KCNH7: variants seen among roughly 807,000 people sequenced by gnomAD.
KCNH7 encodes voltage-gated inwardly rectifying potassium channel KCNH7.
A neutral mutation model predicts 120.8 loss-of-function variants in KCNH7; 49 were observed. The ratio of observed to expected loss-of-function variants is 0.41; its 90% CI spans 0.32 to 0.51. The LOEUF is 0.51. Ranked by LOEUF, KCNH7 falls within the 20% of genes least tolerant of loss-of-function variation. The pLI, the probability that KCNH7 is intolerant of heterozygous loss-of-function variation, is 0.38. For synonymous variants in KCNH7, 547 were observed against 516.1 expected, an observed-to-expected ratio of 1.06 and a Z score of -0.81; for missense variants, 1,097 against 1,446.6, an observed-to-expected ratio of 0.76 and a Z score of 3.92.
chr2:162,583,029 A>G (rs1054017960), intron 2 of KCNH7, among the ~76,000 whole-genome samples: 6 of 152,086 alleles, frequency 3.9e-5, no homozygotes, highest in Admixed American at 3.9e-4. Flanking sequence ...TACTTTTAGC[A>G]TAAACAATGG....
chr2:162,436,699 C>A (rs1688250099), intron 7 of KCNH7, among the ~76,000 whole-genome samples: 1 of 152,136 alleles, frequency 6.6e-6, no homozygotes, highest in Non-Finnish European at 1.5e-5. Context: ...GCACATCCAA[C>A]TACATTAAGA....
intron 2 of KCNH7, among the ~76,000 whole-genome samples, chr2:162,723,241 C>A (rs1485816665): frequency 6.6e-6 from 1 of 152,020 alleles, no homozygotes; most frequent in Admixed American, 6.6e-5. Flanking sequence ...AAAAAACCAC[C>A]TTTCCTGGTC....
chr2:162,788,240 G>T (rs2105511225), intron 2 of KCNH7, among the ~76,000 whole-genome samples: 1 of 152,258 alleles, frequency 6.6e-6, no homozygotes, highest in South Asian at 2.1e-4. Context: ...AATTGATTGA[G>T]ATATTAAATG....
rs542680915 is a variant in KCNH7 at position 162,405,559 on chromosome 2, A to G, written c.2155-5118T>C. Among the ~76,000 whole-genome samples, 8 of 152,120 alleles carry G rather than the reference A, an allele frequency of 5.3e-5. No homozygotes were observed. The East Asian group carries it at 5.8e-4, about 11-fold the overall frequency. Reference sequence around the variant, plus strand: ...TTCTCTAAAATGTATATGTGCTGACATGCACTTAATGGCATACAATTATAA... The same window carrying G: ...TTCTCTAAAATGTATATGTGCTGACGTGCACTTAATGGCATACAATTATAA... On this transcript the variant is annotated intron_variant, in intron 9 of 15. Transcript: ENST00000332142.
At chr2:162,426,215 A>T (rs1048703151) in intron 8 of KCNH7, among the ~76,000 whole-genome samples, 1 of 102,134 alleles carries the variant, frequency 9.8e-6, no homozygotes, top group Non-Finnish European at 1.7e-5. Context: ...CCCTATCTTT[A>T]AAAAAAAAAA....
intron 2 of KCNH7, among the ~76,000 whole-genome samples, chr2:162,685,899 G>A (rs1445962416): frequency 6.6e-6 from 1 of 152,010 alleles, no homozygotes; most frequent in Non-Finnish European, 1.5e-5. Flanking sequence ...AATAATGATT[G>A]ATTGTTACTC....
At chr2:162,465,981 G>A (rs994653183) in intron 6 of KCNH7, among the ~76,000 whole-genome samples, 1 of 152,108 alleles carries the variant, frequency 6.6e-6, no homozygotes, top group African/African-American at 2.4e-5. Flanking sequence ...AGTATTGCAT[G>A]GAATCAGACT....
intron 2 of KCNH7, among the ~76,000 whole-genome samples, chr2:162,809,137 C>G (rs1684646445): frequency 6.6e-6 from 1 of 152,082 alleles, no homozygotes; most frequent in African/African-American, 2.4e-5. Flanking sequence ...TTTTCATTGA[C>G]AACATAACAT....
intron 12 of KCNH7, among the ~76,000 whole-genome samples, chr2:162,393,810 C>T (rs2105431697): frequency 6.6e-6 from 1 of 152,094 alleles, no homozygotes; most frequent in Non-Finnish European, 1.5e-5. Flanking sequence ...GCGTGTCTAT[C>T]TCCCTCTCTA....
intron 2 of KCNH7, among the ~76,000 whole-genome samples, chr2:162,552,792 A>G (rs1692716361): frequency 6.6e-6 from 1 of 152,226 alleles, no homozygotes; most frequent in African/African-American, 2.4e-5. Context: ...ATGAATAAAC[A>G]GCCAGGAGGA....
At chr2:162,527,117 G>C (rs1691734616) in intron 3 of KCNH7, among the ~76,000 whole-genome samples, 1 of 151,912 alleles carries the variant, frequency 6.6e-6, no homozygotes, top group South Asian at 2.1e-4. Flanking sequence ...TTCAAATCCT[G>C]GGGGGTGGGA....
At chr2:162,520,102 C>T (rs1258892480) in intron 3 of KCNH7, among the ~76,000 whole-genome samples, 2 of 150,694 alleles carry the variant, frequency 1.3e-5, no homozygotes, top group Non-Finnish European at 3.0e-5. Context: ...TTGAAAGACA[C>T]CTTACAATCT....
intron 2 of KCNH7, among the ~76,000 whole-genome samples, chr2:162,750,933 C>T (rs945397105): frequency 6.6e-6 from 1 of 152,068 alleles, no homozygotes; most frequent in Non-Finnish European, 1.5e-5. Flanking sequence ...TTTCAATTCT[C>T]CAGTTTTAAA....
At chr2:162,764,557 C>G (rs1370585826) in intron 2 of KCNH7, among the ~76,000 whole-genome samples, 2 of 152,020 alleles carry the variant, frequency 1.3e-5, no homozygotes, top group South Asian at 2.1e-4. Flanking sequence ...ATAGAATAGA[C>G]TTATTTTTCC....
chr2:162,684,782 C>G (rs538230689), intron 2 of KCNH7, among the ~76,000 whole-genome samples: 1 of 152,192 alleles, frequency 6.6e-6, no homozygotes, highest in East Asian at 1.9e-4. Context: ...TTGTGGAAGA[C>G]AGTGGGGTGA....
chr2:162,785,024 A>T (rs750346683), intron 2 of KCNH7: 1 of 152,218 alleles, frequency 6.6e-6, no homozygotes, highest in Non-Finnish European at 1.5e-5. Context: ...GGTATGAAGG[A>T]TGAGGAAAAG....
chr2:162,499,628 G>C (rs1398824106), intron 6 of KCNH7, among the ~76,000 whole-genome samples: 1 of 152,130 alleles, frequency 6.6e-6, no homozygotes, highest in Non-Finnish European at 1.5e-5. Context: ...TTGAAGTCTT[G>C]CCTAACAAAA....
chr2:162,744,041 C>G (rs928950904), intron 2 of KCNH7, among the ~76,000 whole-genome samples: 9 of 152,080 alleles, frequency 5.9e-5, no homozygotes, highest in African/African-American at 1.9e-4. Context: ...CCACATAATG[C>G]ACGGATTCGC....
At chr2:162,474,315 T>A (rs769234122) in intron 6 of KCNH7, among the ~76,000 whole-genome samples, 1 of 152,194 alleles carries the variant, frequency 6.6e-6, no homozygotes, top group Non-Finnish European at 1.5e-5. Context: ...AATAAGAAGA[T>A]TAGACATTCT....
Sources: allele counts gnomAD v4.1 joint callset (sites outside exome capture counted in the v4.1 genomes callset), GRCh38; gene constraint gnomAD v4.1.1; transcripts MANE v1.5; gene names NCBI Gene and HGNC (gene_info 2026-07-23, HGNC 2026-07-21).